The following DMD variants were observed in gnomAD, a reference collection of about 807,000 sequenced individuals.
The protein encoded by DMD is mutant dystrophin.
Under a neutral mutation model 330.1 loss-of-function variants are expected in DMD, and 63 were observed. The observed-to-expected ratio is 0.19, with a 90% CI of 0.16 to 0.24. DMD has a LOEUF of 0.24. Ranked by LOEUF, DMD falls within the 10% of genes least tolerant of loss-of-function variation. The probability of loss-of-function intolerance (pLI) is 1.00; values close to 1 mark genes in which losing one functional copy is unlikely to be tolerated. For missense variants in DMD, 3,344 were observed against 2,684.1 expected (o/e 1.25, Z -5.43); for synonymous variants, 1,223 against 959.8 (o/e 1.27, Z -5.07).
chrX:33,107,133 G>A (rs1008867746), intron 1 of DMD, among the ~76,000 whole-genome samples: 4 of 111,746 alleles, frequency 3.6e-5, no homozygotes, highest in Non-Finnish European at 7.5e-5. Context: ...CCAACATGGT[G>A]AAACCCCGTC....
At chrX:31,294,915 T>C (rs767431631) in intron 62 of DMD, among the ~76,000 whole-genome samples, 1 of 112,558 alleles carries the variant, frequency 8.9e-6, no homozygotes, top group South Asian at 3.7e-4. Flanking sequence ...CTTAGTGTCA[T>C]ATTCATGTGT....
chrX:32,289,660 C>T (rs1431605887), intron 42 of DMD, among the ~76,000 whole-genome samples: 1 of 111,448 alleles, frequency 9.0e-6, no homozygotes, highest in Non-Finnish European at 1.9e-5. Flanking sequence ...CTTCTCACTG[C>T]TCATTATACA....
chrX:31,258,831 A>G (rs971069125), intron 63 of DMD, among the ~76,000 whole-genome samples: 1 of 111,747 alleles, frequency 8.9e-6, no homozygotes, highest in Non-Finnish European at 1.9e-5. Flanking sequence ...TTGATAGTCC[A>G]TAATTAGCTT....
At chrX:33,230,371 T>C (rs2052367396) in intron 1 of DMD, among the ~76,000 whole-genome samples, 1 of 111,160 alleles carries the variant, frequency 9.0e-6, no homozygotes, top group African/African-American at 3.3e-5. Context: ...GACAAACTCT[T>C]AGAACTAAGA....
At chrX:32,396,171 A>G (rs2098042842) in intron 30 of DMD, among the ~76,000 whole-genome samples, 3 of 111,410 alleles carry the variant, frequency 2.7e-5, no homozygotes, top group Non-Finnish European at 5.6e-5. Context: ...TGAAGGACCA[A>G]GTAACCTGTG....
chrX:33,175,459 C>G (rs753686373), intron 1 of DMD, among the ~76,000 whole-genome samples: 2 of 112,295 alleles, frequency 1.8e-5, no homozygotes, highest in South Asian at 7.3e-4. Flanking sequence ...AGGGGCTAAA[C>G]AAAGAAAGAA....
At chrX:32,614,230 G>C in intron 12 of DMD, 73 bp downstream of exon 12, 1 of 999,259 alleles carries the variant, frequency 1.0e-6, no homozygotes, top group Non-Finnish European at 1.4e-6. Context: ...CATGTCATCT[G>C]TGTTACTGTG....
chrX:32,487,494 A>G (rs930289381), intron 20 of DMD, among the ~76,000 whole-genome samples: 1 of 111,353 alleles, frequency 9.0e-6, no homozygotes, highest in Non-Finnish European at 1.9e-5. Context: ...TTGAAATCTG[A>G]GCTTCCTGAA....
At position 32,380,527 on chromosome X, in the gene DMD, C is replaced by T. The variant is rs1166786345; in HGVS notation, c.4828G>A (p.Glu1610Lys). Residue 1610 changes from glutamate (E) to lysine (K), a missense_variant, in exon 34 of 79, where the codon GAA becomes AAA. Coordinates refer to ENST00000357033, the MANE Select transcript of DMD (RefSeq NM_004006.3). Reference protein sequence around the residue: ...VEGMPSNLDSEVAWGKATQKE... With the variant: ...VEGMPSNLDSKVAWGKATQKE... ...GGTTTTACCTTTCCCCAGGCAACTT[C>T]AGAATCCAAATTACTAGGCATTCCT... The T allele has an allele frequency of 8.3e-7, 1 of 1,210,697 alleles. No homozygotes were observed. The highest frequency in any genetic ancestry group is 1.1e-6 in the Non-Finnish European group (1 of 894,903).
intron 62 of DMD, among the ~76,000 whole-genome samples, chrX:31,267,105 GAGAAAGAA>G (rs72467955): frequency 4.5e-4 from 48 of 105,885 alleles, no homozygotes; most frequent in Non-Finnish European, 7.1e-4. Flanking sequence ...AAAAAGAAAA[GAGAAAGAA>G]AGAAAGAAAG....
chrX:31,510,350 C>T (rs1408325493), intron 55 of DMD, among the ~76,000 whole-genome samples: 1 of 111,002 alleles, frequency 9.0e-6, no homozygotes, highest in Non-Finnish European at 1.9e-5. Context: ...ATATAATACA[C>T]AGTAGTCACT....
At chrX:31,906,094 A>G (rs1391576658) in intron 47 of DMD, among the ~76,000 whole-genome samples, 1 of 111,118 alleles carries the variant, frequency 9.0e-6, no homozygotes, top group Admixed American at 9.6e-5. Flanking sequence ...GGTTACCCTC[A>G]TGCTGTTCTT....
At chrX:32,727,489 C>T (rs2067021811) in intron 7 of DMD, among the ~76,000 whole-genome samples, 1 of 110,355 alleles carries the variant, frequency 9.1e-6, no homozygotes, top group East Asian at 2.9e-4. Flanking sequence ...TCTATAATCA[C>T]CTTAATTAAT....
intron 44 of DMD, among the ~76,000 whole-genome samples, chrX:32,135,209 T>G (rs1446203306): frequency 8.9e-6 from 1 of 112,324 alleles, no homozygotes; most frequent in East Asian, 2.8e-4. Flanking sequence ...TTTAAATTAA[T>G]AGTCCACTAG....
At chrX:32,451,599 C>A (rs1490412414) in intron 26 of DMD, among the ~76,000 whole-genome samples, 1 of 96,914 alleles carries the variant, frequency 1.0e-5, no homozygotes, top group Non-Finnish European at 2.0e-5. Flanking sequence ...AACAGCACTT[C>A]CATTTTCAGG....
intron 9 of DMD, among the ~76,000 whole-genome samples, chrX:32,688,660 G>T (rs1368539521): frequency 9.0e-6 from 1 of 111,294 alleles, no homozygotes; most frequent in Non-Finnish European, 1.9e-5. Flanking sequence ...TTTTAGAGAT[G>T]AGAAAACTGA....
chrX:31,351,717 C>G (rs2058424981), intron 60 of DMD, among the ~76,000 whole-genome samples: 1 of 44,694 alleles, frequency 2.2e-5, no homozygotes, highest in Non-Finnish European at 3.8e-5. Flanking sequence ...CAGAACAAGA[C>G]TCCATCTCAA....
At chrX:32,734,516 T>G (rs761177407) in intron 7 of DMD, among the ~76,000 whole-genome samples, 1 of 106,648 alleles carries the variant, frequency 9.4e-6, no homozygotes, top group East Asian at 2.9e-4. Context: ...AAATCCTCAA[T>G]AAAATACTGG....
intron 55 of DMD, among the ~76,000 whole-genome samples, chrX:31,541,179 CAAATTTTTATTCCATTTTATTAAATTTA>C (rs998142416): frequency 5.4e-5 from 6 of 111,420 alleles, no homozygotes; most frequent in Non-Finnish European, 1.1e-4. Flanking sequence ...TGAAGTTTAA[CAAATTTTTATTCCATTTTATTAAATTTA>C]AATATAAATT....
Sources: allele counts gnomAD v4.1 joint callset (sites outside exome capture counted in the v4.1 genomes callset), GRCh38; gene constraint gnomAD v4.1.1; transcripts MANE v1.5; gene names NCBI Gene and HGNC (gene_info 2026-07-23, HGNC 2026-07-21).